The following ZNF831 variants were observed in gnomAD, a reference collection of about 807,000 sequenced individuals.
ZNF831 encodes chromosome 20 open reading frame 174.
In ZNF831, 59 loss-of-function variants were observed where a neutral mutation model predicts 95.8. The observed-to-expected ratio is 0.62, with a 90% CI of 0.50 to 0.77. The LOEUF (loss-of-function observed/expected upper bound fraction) is 0.77. Among genes scored for constraint, ZNF831 ranks in the 30% least tolerant of loss-of-function variants. The pLI is 0.00. For missense variants in ZNF831, 2,205 were observed against 2,164.0 expected (o/e 1.02, Z -0.38); for synonymous variants, 961 against 925.5 (o/e 1.04, Z -0.70).
At chr20:59,129,851 A>T (rs1337704825) in intron 1 of ZNF831, among the ~76,000 whole-genome samples, 1 of 152,166 alleles carries the variant, frequency 6.6e-6, no homozygotes, top group East Asian at 1.9e-4. Flanking sequence ...CCTGTATGTT[A>T]TTGGTGCATC....
intron 1 of ZNF831, among the ~76,000 whole-genome samples, chr20:59,133,858 G>A (rs967819065): frequency 6.6e-6 from 1 of 152,194 alleles, no homozygotes; most frequent in Non-Finnish European, 1.5e-5. Context: ...TGACTTCCAT[G>A]CTGCTCACTC....
chr20:59,244,511 CT>C (rs1293302397), intron 4 of ZNF831, among the ~76,000 whole-genome samples: 1 of 152,278 alleles, frequency 6.6e-6, no homozygotes, highest in East Asian at 1.9e-4. Flanking sequence ...GATTATGTGT[CT>C]CTTATTTTTC....
chr20:59,236,354 G>T (rs1211104737), intron 4 of ZNF831, among the ~76,000 whole-genome samples: 1 of 152,150 alleles, frequency 6.6e-6, no homozygotes, highest in African/African-American at 2.4e-5. Flanking sequence ...ATATAGAAGG[G>T]TCTTCCTGGC....
In ZNF831 at chr20:59,253,003, T is replaced by C. The variant is rs1475019353; in HGVS notation, c.4053T>C (p.Ser1351=). 1 of 1,613,848 alleles carries C rather than the reference T, an allele frequency of 6.2e-7. No individual in the cohort carries two copies. The highest frequency in any genetic ancestry group is 1.3e-5 in the African/African-American group (1 of 74,920). ...IAGLNLQEEP[S]CATSESPPCC... ...GTCTGAATCTGCAAGAGGAGCCATC[T>C]TGTGCCACCTCAGAATCACCTCCTT... Residue 1351 remains serine, a synonymous_variant, in exon 5 of 6, where the codon TCT becomes TCC. Transcript: ENST00000371030.
chr20:59,135,716 G>A (rs2146439739), intron 1 of ZNF831, among the ~76,000 whole-genome samples: 1 of 152,212 alleles, frequency 6.6e-6, no homozygotes, highest in Middle Eastern at 3.4e-3. Context: ...GGGTGACAGA[G>A]CGAGACTCCA....
At position 59,193,211 on chromosome 20, in the gene ZNF831, C is replaced by T. The variant is rs2146579026; in HGVS notation, c.2192C>T (p.Ser731Phe). ...DRPRVEEAVSSPALGGRDSPC... is the reference protein window; with the variant it reads ...DRPRVEEAVSFPALGGRDSPC... ...CCCAGGGTGGAAGAGGCTGTGTCATCCCCTGCACTGGGTGGCAGAGACAGT... is the reference window on the plus strand; with the variant it reads ...CCCAGGGTGGAAGAGGCTGTGTCATTCCCTGCACTGGGTGGCAGAGACAGT... Residue 731 changes from serine to phenylalanine, a missense_variant, in exon 2 of 6, where the codon TCC (serine) becomes TTC (phenylalanine). By Grantham distance (155) the Ser-to-Phe change is radical (BLOSUM62 -2). Transcript: ENST00000371030. The T allele has an allele frequency of 6.3e-7, 1 of 1,587,378 alleles. No homozygotes were observed. The highest frequency in any genetic ancestry group is 1.1e-5 in the South Asian group (1 of 87,586).
intron 4 of ZNF831, among the ~76,000 whole-genome samples, chr20:59,252,326 A>G (rs259959): frequency 0.23 from 34,370 of 152,080 alleles, 4,591 homozygotes; most frequent in East Asian, 0.61. Context: ...CTCTGATCTC[A>G]TATCATGATG....
At chr20:59,209,484 G>C (rs1023179895) in intron 4 of ZNF831, among the ~76,000 whole-genome samples, 4 of 152,176 alleles carry the variant, frequency 2.6e-5, no homozygotes, top group Admixed American at 2.6e-4. Flanking sequence ...AAAGTCTCAG[G>C]GTCAAGAAGA....
chr20:59,253,866 C>CT lies in ZNF831; in HGVS notation c.4189-32_4189-31insT, dbSNP rs746394548. 26 of 1,139,068 alleles carry CT rather than the reference C, an allele frequency of 2.3e-5. 5 individuals are homozygous for CT. The East Asian group carries it at 7.5e-4, about 33-fold the overall frequency. The allele number at this position is 1,139,068 out of a possible 1,614,324, so 70.6% of individuals were successfully genotyped here. A position where few individuals can be genotyped will look rare whatever the true frequency, so the allele number is the denominator to read the frequency against. Reference sequence around the variant, plus strand: ...TCTTTGTACCAATTAACCTCCCCCCCCACTTTTTTTTTCCTTTGCACTTTG... The same window carrying CT: ...TCTTTGTACCAATTAACCTCCCCCCCTCACTTTTTTTTTCCTTTGCACTTTG... On this transcript the variant is annotated intron_variant, in intron 5 of 5. Transcript: ENST00000371030.
intron 4 of ZNF831, among the ~76,000 whole-genome samples, chr20:59,250,792 G>C (rs1175711638): frequency 6.6e-6 from 1 of 152,112 alleles, no homozygotes. Context: ...AAACTCATTG[G>C]AATATAAAGT....
chr20:59,171,353 A>T (rs967995805), intron 1 of ZNF831, among the ~76,000 whole-genome samples: 10 of 152,254 alleles, frequency 6.6e-5, no homozygotes, highest in Non-Finnish European at 1.5e-5. Flanking sequence ...ATTGAATGGC[A>T]TTTTTTGGAG....
At chr20:59,201,925 C>T (rs760081632) in intron 3 of ZNF831, among the ~76,000 whole-genome samples, 26 of 152,106 alleles carry the variant, frequency 1.7e-4, no homozygotes, top group East Asian at 3.8e-4. Context: ...GGAAATTCAG[C>T]GGAAAAAGTA....
At chr20:59,201,847 A>G (rs1292340213) in intron 3 of ZNF831, among the ~76,000 whole-genome samples, 1 of 152,246 alleles carries the variant, frequency 6.6e-6, no homozygotes, top group Non-Finnish European at 1.5e-5. Flanking sequence ...ACAAAGATCA[A>G]TGGAGCAAAA....
At position 59,192,063 on chromosome 20, in the gene ZNF831, G is replaced by A. The variant is rs1555825939; in HGVS notation, c.1044G>A (p.Ser348=). Residue 348 remains serine, a synonymous_variant, in exon 2 of 6, where the codon TCG becomes TCA. Transcript: ENST00000371030. This position sits in a 1 kb window ranked among gnomAD's most constrained non-coding sequence, Gnocchi z 5.2. ...KCESTDSGYL[S]RSDSAEQPHA... is the part of the protein sequence containing the mutation. ...AGAGCACCGACTCGGGGTACCTGTCGCGCTCCGACAGCGCGGAGCAGCCGC... is the reference window on the plus strand; with the variant it reads ...AGAGCACCGACTCGGGGTACCTGTCACGCTCCGACAGCGCGGAGCAGCCGC... The A allele has an allele frequency of 6.2e-7, 1 of 1,606,990 alleles. No homozygotes were observed. Among genetic ancestry groups the A allele is most frequent in the Non-Finnish European group, 8.5e-7 (1 of 1,178,954 alleles).
Position 59,257,318 on chromosome 20 carries a change from C to T in ZNF831, c.*2575C>T, listed in dbSNP as rs546863633. On this transcript the variant is annotated 3_prime_UTR_variant, in exon 6 of 6. Coordinates refer to ENST00000371030, the MANE Select transcript of ZNF831 (RefSeq NM_178457.3). The stretch of plus-strand genomic sequence containing the variant: ...ATATCAACATGAATTTGTGAAAAAG[C>T]TGTATGTCAATGGATTTTTTAAAAA... The T allele has an allele frequency of 4.6e-5, 7 of 152,274 alleles. No individual in the cohort carries two copies. The South Asian group carries it at 1.4e-3, about 32-fold the overall frequency. 9.4% of individuals were successfully genotyped at this position (152,274 alleles called of 1,614,324 possible).
chr20:59,152,118 A>T (rs914896730), intron 2 of ZNF831, among the ~76,000 whole-genome samples: 14 of 152,158 alleles, frequency 9.2e-5, no homozygotes, highest in Non-Finnish European at 1.6e-4. Flanking sequence ...GATCAATCAT[A>T]ATAGTTATTA....
intron 4 of ZNF831, among the ~76,000 whole-genome samples, chr20:59,212,191 T>A (rs1026027818): frequency 1.3e-5 from 2 of 152,128 alleles, no homozygotes; most frequent in Non-Finnish European, 1.5e-5. Context: ...GAGAGTTTTT[T>A]AAAAAAATAT....
At chr20:59,135,388 T>C (rs973087399) in intron 1 of ZNF831, among the ~76,000 whole-genome samples, 5 of 151,716 alleles carry the variant, frequency 3.3e-5, no homozygotes, top group Admixed American at 2.6e-4. Context: ...CAGTTTGAGA[T>C]CAGCCTTGGC....
In ZNF831 at chr20:59,206,971, G is replaced by C; in HGVS notation, c.3942G>C (p.Trp1314Cys). 1 of 1,614,188 alleles carries C rather than the reference G, an allele frequency of 6.2e-7. No homozygotes were observed. The highest frequency in any genetic ancestry group is 8.5e-7 in the Non-Finnish European group (1 of 1,180,028). Residue 1314 changes from tryptophan (W) to cysteine (C), a missense_variant, in exon 4 of 6, where the codon TGG becomes TGC. Transcript: ENST00000371030. ...LRASRLRTPT[W>C]VRRRSRHPPA... Reference sequence around the variant, plus strand: ...CCAGTAGACTTCGCACACCAACCTGGGTGCGAAGAAGAAGCCGCCACCCTC... The same window carrying C: ...CCAGTAGACTTCGCACACCAACCTGCGTGCGAAGAAGAAGCCGCCACCCTC...
Sources: allele counts gnomAD v4.1 joint callset (sites outside exome capture counted in the v4.1 genomes callset), GRCh38; gene constraint gnomAD v4.1.1; non-coding constraint Gnocchi (gnomAD v3.1); transcripts MANE v1.5; gene names NCBI Gene and HGNC (gene_info 2026-07-23, HGNC 2026-07-21).